Variants in OSBPL6 observed in about 807,000 individuals in gnomAD.
The protein encoded by OSBPL6 is oxysterol binding protein like 6, also known as oxysterol-binding protein-related protein 6.
In OSBPL6, 49 loss-of-function variants were observed where a neutral mutation model predicts 125.8. The observed-to-expected ratio is 0.39, with a 90% confidence interval of 0.31 to 0.49. The LOEUF is 0.49. Among genes scored for constraint, OSBPL6 ranks in the 20% least tolerant of loss-of-function variants. The pLI is 0.88. For synonymous variants in OSBPL6, 394 were observed against 391.8 expected (o/e 1.01, Z -0.07); for missense variants, 986 against 1,135.4 (o/e 0.87, Z 1.89).
intron 1 of OSBPL6, among the ~76,000 whole-genome samples, chr2:178,241,771 A>G (rs2091304498): frequency 6.6e-6 from 1 of 152,220 alleles, no homozygotes; most frequent in African/African-American, 2.4e-5. Flanking sequence ...ATTGCCTTGG[A>G]CAACAGTGAC....
At chr2:178,293,780 C>T (rs868534051) in intron 2 of OSBPL6, among the ~76,000 whole-genome samples, 15 of 152,166 alleles carry the variant, frequency 9.9e-5, no homozygotes, top group African/African-American at 2.9e-4. Context: ...CACCTCCCCC[C>T]ACCCTCCACT....
intron 13 of OSBPL6, among the ~76,000 whole-genome samples, chr2:178,367,909 A>T (rs760923379): frequency 1.3e-4 from 20 of 152,096 alleles, no homozygotes; most frequent in Non-Finnish European, 2.5e-4. Context: ...ACTAATAGCG[A>T]TGTTATTGCT....
At chr2:178,308,838 C>T (rs1271287590) in intron 3 of OSBPL6, among the ~76,000 whole-genome samples, 2 of 152,162 alleles carry the variant, frequency 1.3e-5, no homozygotes, top group African/African-American at 2.4e-5. Flanking sequence ...ATCACCTCTA[C>T]CCAGGATCCT....
chr2:178,302,245 A>T (rs970393124), intron 2 of OSBPL6, among the ~76,000 whole-genome samples: 1 of 152,202 alleles, frequency 6.6e-6, no homozygotes, highest in Non-Finnish European at 1.5e-5. Flanking sequence ...CAGAAAAATT[A>T]GATGTTCAGC....
At chr2:178,261,253 G>A (rs1448422949) in intron 1 of OSBPL6, among the ~76,000 whole-genome samples, 1 of 152,060 alleles carries the variant, frequency 6.6e-6, no homozygotes, top group Non-Finnish European at 1.5e-5. Flanking sequence ...TCAAAATGGT[G>A]GTTCTTTGAG....
chr2:178,356,213 A>G (rs1036759835), intron 12 of OSBPL6, among the ~76,000 whole-genome samples: 33 of 152,352 alleles, frequency 2.2e-4, no homozygotes, highest in African/African-American at 7.9e-4. Context: ...CTCCTATTCA[A>G]CATAGTGTTG....
chr2:178,316,620 G>T (rs765532057), intron 3 of OSBPL6, among the ~76,000 whole-genome samples: 1 of 152,132 alleles, frequency 6.6e-6, no homozygotes, highest in Non-Finnish European at 1.5e-5. Context: ...TGTAACTGCC[G>T]TGGATTGAAA....
chr2:178,214,065 T>G (rs1008057074), intron 1 of OSBPL6, among the ~76,000 whole-genome samples: 3 of 152,208 alleles, frequency 2.0e-5, no homozygotes, highest in African/African-American at 7.2e-5. Flanking sequence ...GATGTCCCAC[T>G]ATCCTGTAAA....
At chr2:178,362,551 T>G (rs962878236) in intron 13 of OSBPL6, among the ~76,000 whole-genome samples, 4 of 152,222 alleles carry the variant, frequency 2.6e-5, no homozygotes, top group African/African-American at 7.2e-5. Flanking sequence ...TGTGATTTTG[T>G]GAGAACTCGG....
intron 3 of OSBPL6, among the ~76,000 whole-genome samples, chr2:178,321,187 G>A (rs1688211581): frequency 6.6e-6 from 1 of 152,166 alleles, no homozygotes; most frequent in African/African-American, 2.4e-5. Flanking sequence ...AAGCTGGAAG[G>A]TAATTGATTG....
chr2:178,227,482 A>G (rs906137383), intron 1 of OSBPL6, among the ~76,000 whole-genome samples: 5 of 152,228 alleles, frequency 3.3e-5, no homozygotes, highest in African/African-American at 1.2e-4. Context: ...GCACATGTGC[A>G]TCAAGAAATA....
intron 3 of OSBPL6, among the ~76,000 whole-genome samples, chr2:178,313,779 A>G (rs334595): frequency 0.97 from 147,873 of 152,292 alleles, 71,828 homozygotes; most frequent in Non-Finnish European, 0.98. Flanking sequence ...ACAGTGGCCT[A>G]TTCATTCAAA....
At chr2:178,251,665 T>A (rs2091699609) in intron 1 of OSBPL6, among the ~76,000 whole-genome samples, 1 of 152,332 alleles carries the variant, frequency 6.6e-6, no homozygotes, top group East Asian at 1.9e-4. Flanking sequence ...TTGTTCTTTC[T>A]GATCACGCAC....
intron 13 of OSBPL6, among the ~76,000 whole-genome samples, chr2:178,366,630 A>C (rs1237552223): frequency 6.6e-6 from 1 of 152,226 alleles, no homozygotes. Context: ...GAATTGAAGC[A>C]AAAAAATTGC....
chr2:178,228,167 A>G (rs2090641511), intron 1 of OSBPL6, among the ~76,000 whole-genome samples: 1 of 151,608 alleles, frequency 6.6e-6, no homozygotes, highest in African/African-American at 2.4e-5. Flanking sequence ...AAACAAAACT[A>G]ATGTGCAAAC....
At chr2:178,308,478 C>G (rs907523431) in intron 3 of OSBPL6, among the ~76,000 whole-genome samples, 6 of 152,182 alleles carry the variant, frequency 3.9e-5, no homozygotes, top group Admixed American at 3.9e-4. Context: ...AACTCCAGCC[C>G]CATTTCTCTC....
chr2:178,290,661 G>C (rs367689128), intron 2 of OSBPL6, among the ~76,000 whole-genome samples: 1 of 151,982 alleles, frequency 6.6e-6, no homozygotes, highest in Admixed American at 6.6e-5. Flanking sequence ...TGATACAACA[G>C]GTTGCCCCAA....
intron 1 of OSBPL6, among the ~76,000 whole-genome samples, chr2:178,220,314 G>T (rs76827292): frequency 0.042 from 6,456 of 152,118 alleles, 187 homozygotes; most frequent in South Asian, 0.09. Flanking sequence ...GGGGAGGCGG[G>T]TGGACAGGGT....
chr2:178,281,813 G>T (rs1219441124), intron 1 of OSBPL6, among the ~76,000 whole-genome samples: 1 of 150,660 alleles, frequency 6.6e-6, no homozygotes, highest in Non-Finnish European at 1.5e-5. Context: ...GGGGGTGGTG[G>T]GTGGGAGAGC....
Sources: gnomAD v4.1 joint callset for allele counts (sites outside exome capture counted in the v4.1 genomes callset) on GRCh38, gnomAD v4.1.1 for gene constraint, MANE v1.5 for transcripts, NCBI Gene and HGNC (gene_info 2026-07-23, HGNC 2026-07-21) for gene names.